SAXO1: variants seen among roughly 807,000 people sequenced by gnomAD.
SAXO1 encodes the protein 4930500O09Rik.
SAXO1 carries 21 observed loss-of-function variants against 17.5 expected under a neutral mutation model. That is an observed-to-expected ratio of 1.20 (90% CI 0.85 to 1.72). The LOEUF (loss-of-function observed/expected upper bound fraction) is 1.72, where lower values mean the gene tolerates loss of function less well. Among genes scored for constraint, SAXO1 ranks in the 40% most tolerant of loss-of-function variants. SAXO1 has a pLI of 0.00. For synonymous variants in SAXO1, 274 were observed against 216.5 expected, an observed-to-expected ratio of 1.27 and a Z score of -2.33; for missense variants, 843 against 596.0, an observed-to-expected ratio of 1.41 and a Z score of -4.32.
intron 1 of SAXO1, among the ~76,000 whole-genome samples, chr9:19,038,280 T>C (rs1400357289): frequency 2.6e-5 from 4 of 152,134 alleles, no homozygotes; most frequent in African/African-American, 9.7e-5. Context: ...GGACTATAAA[T>C]CATGCTGCTA....
chr9:19,017,780 T>C (rs919766698), intron 1 of SAXO1, among the ~76,000 whole-genome samples: 2 of 152,232 alleles, frequency 1.3e-5, no homozygotes, highest in Non-Finnish European at 2.9e-5. Flanking sequence ...AATGCAAGGA[T>C]TAAATGCCTA....
Position 18,975,601 on chromosome 9 carries a change from G to A in SAXO1, c.39-24664C>T, listed in dbSNP as rs143012594. On this transcript the variant is annotated intron_variant, in intron 1 of 3. Coordinates refer to ENST00000380534, the MANE Select transcript of SAXO1 (RefSeq NM_153707.4). ...TGATATCAGTGTCAATTGATCAAAG[G>A]ATAAACTCCAGGCATAGTGACTAGT... Among the ~76,000 whole-genome samples the A allele has an allele frequency of 1.7e-3, 264 of 152,274 alleles. 1 individual carries two copies. Among genetic ancestry groups the A allele is most frequent in the African/African-American group, 6.2e-3 (258 of 41,558 alleles).
intron 3 of SAXO1, among the ~76,000 whole-genome samples, chr9:18,939,302 A>C (rs558311669): frequency 6.6e-6 from 1 of 152,294 alleles, no homozygotes; most frequent in African/African-American, 2.4e-5. Flanking sequence ...AGTGCCCCCC[A>C]ACACCCTACC....
intron 1 of SAXO1, among the ~76,000 whole-genome samples, chr9:18,987,975 C>T (rs1588485636): frequency 6.6e-6 from 1 of 151,932 alleles, no homozygotes; most frequent in East Asian, 1.9e-4. Context: ...CTGAAGTCTT[C>T]TATGAGCACT....
intron 1 of SAXO1, among the ~76,000 whole-genome samples, chr9:18,963,802 G>T (rs1563947420): frequency 6.6e-6 from 1 of 152,108 alleles, no homozygotes; most frequent in Non-Finnish European, 1.5e-5. Context: ...TTGCCTGATT[G>T]CCCTGGCCAG....
intron 1 of SAXO1, among the ~76,000 whole-genome samples, chr9:18,967,114 G>A (rs1259124143): frequency 6.6e-6 from 1 of 152,156 alleles, no homozygotes; most frequent in Admixed American, 6.5e-5. Context: ...TCCTTCCTCG[G>A]GAAGCTTCAT....
rs34950206 is a variant in SAXO1 at position 18,956,110 on chromosome 9, ATTTTT to A, written c.39-5178_39-5174del. Reference sequence around the variant, plus strand: ...CATGCACCACTGCACAACCTGGCTAATTTTTTTTTTTTTTTTTTTTTGTAGAAATG... The same window carrying A: ...CATGCACCACTGCACAACCTGGCTAATTTTTTTTTTTTTTTTGTAGAAATG... On this transcript the variant is annotated intron_variant, in intron 1 of 3. Transcript: ENST00000380534. Among the ~76,000 whole-genome samples the A allele has an allele frequency of 2.0e-4, 26 of 128,806 alleles. No individual in the cohort carries two copies. The Middle Eastern group carries it at 0.012, about 61-fold the overall frequency. The allele number at this position is 128,806 out of a possible 152,430, so 84.5% of individuals were successfully genotyped here. A position where few individuals can be genotyped will look rare whatever the true frequency, so the allele number is the denominator to read the frequency against.
At chr9:19,040,273 T>C (rs1462437462) in intron 1 of SAXO1, among the ~76,000 whole-genome samples, 2 of 152,212 alleles carry the variant, frequency 1.3e-5, no homozygotes, top group African/African-American at 4.8e-5. Flanking sequence ...CAAATACTGA[T>C]ACCCTCCTGA....
chr9:18,957,265 CGA>C (rs1214826517), intron 1 of SAXO1, among the ~76,000 whole-genome samples: 2 of 152,154 alleles, frequency 1.3e-5, no homozygotes, highest in Non-Finnish European at 2.9e-5. Context: ...GCTGCTTAAA[CGA>C]GAGTGTCATT....
chr9:19,017,517 G>A lies in SAXO1; in HGVS notation c.38+15354C>T, dbSNP rs149829218. Among the ~76,000 whole-genome samples the A allele has an allele frequency of 7.5e-4, 115 of 152,334 alleles. 1 individual carries two copies. The highest frequency in any genetic ancestry group is 2.7e-3 in the African/African-American group (112 of 41,570). ...GCTACAGCATGCTGCACCAGAGCAG[G>A]CCTTAGCGGCTGGCTCACCAGTCTC... On this transcript the variant is annotated intron_variant, in intron 1 of 3. Coordinates refer to ENST00000380534, the MANE Select transcript of SAXO1 (RefSeq NM_153707.4).
intron 1 of SAXO1, among the ~76,000 whole-genome samples, chr9:18,985,384 A>G (rs1479437430): frequency 3.3e-5 from 5 of 152,238 alleles, no homozygotes; most frequent in Admixed American, 6.5e-5. Context: ...TCTTCAACAC[A>G]GGGTTACCAC....
intron 1 of SAXO1, among the ~76,000 whole-genome samples, chr9:18,975,170 A>G (rs1250312386): frequency 6.6e-6 from 1 of 152,256 alleles, no homozygotes; most frequent in Admixed American, 6.5e-5. Flanking sequence ...GCCATGCTGG[A>G]GTGACAGCAT....
At chr9:18,947,597 T>A (rs558295867) in intron 2 of SAXO1, 2 of 152,364 alleles carry the variant, frequency 1.3e-5, no homozygotes, top group East Asian at 3.9e-4. Flanking sequence ...CTGGTTTAGC[T>A]AACAGAATGT....
chr9:18,959,139 A>G (rs1249469322), intron 1 of SAXO1, among the ~76,000 whole-genome samples: 1 of 152,206 alleles, frequency 6.6e-6, no homozygotes, highest in Non-Finnish European at 1.5e-5. Flanking sequence ...AAGTGGTTCA[A>G]CAGACATTCT....
intron 1 of SAXO1, among the ~76,000 whole-genome samples, chr9:18,972,848 G>C (rs375500809): frequency 6.6e-6 from 1 of 152,062 alleles, no homozygotes; most frequent in African/African-American, 2.4e-5. Flanking sequence ...GAGTCCTTCC[G>C]GGCCTAAGGC....
At chr9:18,999,128 G>A (rs1187597556) in intron 1 of SAXO1, among the ~76,000 whole-genome samples, 3 of 152,208 alleles carry the variant, frequency 2.0e-5, no homozygotes, top group African/African-American at 4.8e-5. Flanking sequence ...ATGTAAATGG[G>A]CTAAATGCTC....
chr9:18,997,979 C>G (rs1834081970), intron 1 of SAXO1, among the ~76,000 whole-genome samples: 1 of 152,178 alleles, frequency 6.6e-6, no homozygotes, highest in African/African-American at 2.4e-5. Context: ...ACATCAAAGA[C>G]CAAAGGTAGA....
intron 1 of SAXO1, among the ~76,000 whole-genome samples, chr9:18,976,787 G>C (rs959980472): frequency 4.6e-5 from 7 of 152,202 alleles, no homozygotes; most frequent in Admixed American, 1.3e-4. Flanking sequence ...TCCAAAAACA[G>C]TCAAATGAGT....
intron 3 of SAXO1, among the ~76,000 whole-genome samples, chr9:18,930,750 C>T (rs1013526679): frequency 2.0e-5 from 3 of 152,206 alleles, no homozygotes; most frequent in South Asian, 2.1e-4. Flanking sequence ...CCGCCCACCT[C>T]GGCCTCCCAA....
Sources: allele counts gnomAD v4.1 joint callset (sites outside exome capture counted in the v4.1 genomes callset), GRCh38; gene constraint gnomAD v4.1.1; transcripts MANE v1.5; gene names NCBI Gene and HGNC (gene_info 2026-07-23, HGNC 2026-07-21).